The following AIMP1 variants were observed in gnomAD, a reference collection of about 807,000 sequenced individuals.
AIMP1 encodes the protein aminoacyl tRNA synthetase complex interacting multifunctional protein 1, also known as aminoacyl tRNA synthase complex-interacting multifunctional protein 1.
AIMP1 carries 24 observed loss-of-function variants against 33.1 expected under a neutral mutation model. The ratio of observed to expected loss-of-function variants is 0.73; its 90% CI spans 0.53 to 1.02. The LOEUF is 1.02. Ranked by LOEUF, AIMP1 falls within the 50% of genes least tolerant of loss-of-function variation. The pLI, the probability that AIMP1 is intolerant of heterozygous loss-of-function variation, is 0.00. For synonymous variants in AIMP1, 120 were observed against 121.5 expected (o/e 0.99, Z 0.08); for missense variants, 367 against 364.8 (o/e 1.01, Z -0.05).
intron 6 of AIMP1, among the ~76,000 whole-genome samples, chr4:106,347,219 A>T (rs1393954984): frequency 6.6e-6 from 1 of 152,082 alleles, no homozygotes; most frequent in Non-Finnish European, 1.5e-5. Context: ...AACTATATCA[A>T]TGAGTACCTT....
At chr4:106,346,868 A>G (rs1415441333) in intron 6 of AIMP1, among the ~76,000 whole-genome samples, 1 of 152,162 alleles carries the variant, frequency 6.6e-6, no homozygotes, top group African/African-American at 2.4e-5. Context: ...AACTGAGGCT[A>G]GGTAATTTAT....
Position 106,331,686 on chromosome 4 carries a change from A to G in AIMP1, c.406A>G (p.Lys136Glu), listed in dbSNP as rs1433130826. ...KIEKKGEKKE[K>E]KQQSIAGSAD... ...ATACTTTTTAGGAGAGAAGAAGGAGAAAAAACAGCAATCAATAGCTGGAAG... is the reference window on the plus strand; with the variant it reads ...ATACTTTTTAGGAGAGAAGAAGGAGGAAAAACAGCAATCAATAGCTGGAAG... The change falls in exon 5 of 7, where the codon AAA becomes GAA. Residue 136 changes from lysine (K) to glutamate (E), a missense_variant. Lys to Glu is a moderately conservative substitution (Grantham distance 56, BLOSUM62 1). Coordinates refer to ENST00000672341, the MANE Select transcript of AIMP1 (RefSeq NM_001142416.2). The G allele has an allele frequency of 1.9e-6, 3 of 1,613,878 alleles. No homozygotes were observed. The highest frequency in any genetic ancestry group is 2.5e-6 in the Non-Finnish European group (3 of 1,179,944).
chr4:106,318,936 T>A (rs1769091330), intron 1 of AIMP1, among the ~76,000 whole-genome samples: 1 of 152,158 alleles, frequency 6.6e-6, no homozygotes, highest in Admixed American at 6.5e-5. Flanking sequence ...GTCAGTTGAT[T>A]CAATAGTGTT....
chr4:106,347,722 A>G lies in AIMP1; in HGVS notation c.*30A>G, dbSNP rs1378901694. 6.2e-7 allele frequency: 1 copy of G among 1,601,072 alleles called. No individual in the cohort carries two copies. Among genetic ancestry groups the G allele is most frequent in the African/African-American group, 1.3e-5 (1 of 74,536 alleles). ...CTTCCACTACCAAAAGACATTAGAG[A>G]AAACCTTAAAAGTAATAAAGAGAAA... On this transcript the variant is annotated 3_prime_UTR_variant, in exon 7 of 7. Transcript: ENST00000672341.
At chr4:106,329,999 T>A (rs1236973416) in intron 4 of AIMP1, among the ~76,000 whole-genome samples, 1 of 151,962 alleles carries the variant, frequency 6.6e-6, no homozygotes, top group African/African-American at 2.4e-5. Context: ...GTCAGGCTGG[T>A]CTCGAACTCC....
At chr4:106,346,372 G>T (rs545951175) in intron 6 of AIMP1, among the ~76,000 whole-genome samples, 1 of 152,122 alleles carries the variant, frequency 6.6e-6, no homozygotes, top group Non-Finnish European at 1.5e-5. Flanking sequence ...AGTATGGTTT[G>T]TCAGGGGGCA....
chr4:106,315,569 G>A (rs1415687044), upstream of AIMP1: 1 of 152,178 alleles, frequency 6.6e-6, no homozygotes, highest in African/African-American at 2.4e-5. Context: ...TCAAGGGGGT[G>A]TTACACTTTG....
intron 5 of AIMP1, among the ~76,000 whole-genome samples, chr4:106,334,378 C>T (rs982988577): frequency 1.3e-5 from 2 of 151,412 alleles, no homozygotes; most frequent in Non-Finnish European, 2.9e-5. Flanking sequence ...AATTCTCCTG[C>T]CTCAGCCTGC....
At position 106,334,536 on chromosome 4, in the gene AIMP1, A is replaced by G. The variant is rs904370848; in HGVS notation, c.604-2333A>G. Among the ~76,000 whole-genome samples, 5 of 152,164 alleles carry G rather than the reference A, an allele frequency of 3.3e-5. No homozygotes were observed. The South Asian group carries it at 1.0e-3, about 32-fold the overall frequency. ...TGCCTTGGCCTCCCAAAATGCTGAT[A>G]TTACAGGTGTGAGCCACCACACACA... is the stretch of plus-strand genomic sequence containing the variant. On this transcript the variant is annotated intron_variant, in intron 5 of 6. Transcript: ENST00000672341.
intron 1 of AIMP1, among the ~76,000 whole-genome samples, chr4:106,323,129 C>T (rs1769328863): frequency 1.3e-5 from 2 of 151,964 alleles, no homozygotes; most frequent in African/African-American, 4.8e-5. Context: ...GCTTGTTCTT[C>T]AATATGTATT....
At chr4:106,345,521 A>T (rs375220902) in intron 6 of AIMP1, among the ~76,000 whole-genome samples, 1 of 152,110 alleles carries the variant, frequency 6.6e-6, no homozygotes, top group Non-Finnish European at 1.5e-5. Context: ...TTTTTTTTCC[A>T]TTCTATTTAT....
At chr4:106,341,917 T>C (rs1017526886) in intron 6 of AIMP1, among the ~76,000 whole-genome samples, 6 of 152,186 alleles carry the variant, frequency 3.9e-5, no homozygotes, top group Admixed American at 3.9e-4. Context: ...ATTTTTCCAA[T>C]CCATGAGTGT....
upstream of AIMP1, chr4:106,316,544 C>G (rs1165779559): frequency 1.3e-6 from 2 of 1,551,494 alleles, no homozygotes; most frequent in Non-Finnish European, 8.7e-7. Context: ...GTGGCTGGAC[C>G]TACATGCTTC....
chr4:106,320,387 A>G (rs1769167891), intron 1 of AIMP1, among the ~76,000 whole-genome samples: 1 of 152,210 alleles, frequency 6.6e-6, no homozygotes. Context: ...GTTCTCTACT[A>G]TAAACCCAGC....
At chr4:106,343,120 T>C (rs1770162835) in intron 6 of AIMP1, among the ~76,000 whole-genome samples, 1 of 152,104 alleles carries the variant, frequency 6.6e-6, no homozygotes, top group South Asian at 2.1e-4. Context: ...GAACTCGTTA[T>C]TGGTCTGTTC....
intron 1 of AIMP1, among the ~76,000 whole-genome samples, chr4:106,319,220 A>T (rs1352930942): frequency 6.6e-6 from 1 of 152,130 alleles, no homozygotes; most frequent in South Asian, 2.1e-4. Flanking sequence ...TTTGATTCCC[A>T]ATGTTGTCAT....
intron 4 of AIMP1, among the ~76,000 whole-genome samples, chr4:106,330,557 C>T (rs981079742): frequency 2.6e-5 from 4 of 152,120 alleles, no homozygotes; most frequent in African/African-American, 7.2e-5. Flanking sequence ...CAGAATTCTC[C>T]TTTCCTGCTT....
chr4:106,341,759 T>C (rs1469684122), intron 6 of AIMP1, among the ~76,000 whole-genome samples: 2 of 152,002 alleles, frequency 1.3e-5, no homozygotes, highest in African/African-American at 4.8e-5. Context: ...TTAGAATTAT[T>C]TTGGCTATTT....
chr4:106,346,590 TAA>T (rs1480232408), intron 6 of AIMP1, among the ~76,000 whole-genome samples: 1 of 152,120 alleles, frequency 6.6e-6, no homozygotes, highest in Non-Finnish European at 1.5e-5. Flanking sequence ...GTAGAATGGG[TAA>T]CAAATGAAAT....
Sources: gnomAD v4.1 joint callset for allele counts (sites outside exome capture counted in the v4.1 genomes callset) on GRCh38, gnomAD v4.1.1 for gene constraint, MANE v1.5 for transcripts, NCBI Gene and HGNC (gene_info 2026-07-23, HGNC 2026-07-21) for gene names.